Variants in TENM2 observed in about 807,000 individuals in gnomAD.
TENM2 encodes teneurin transmembrane protein 2.
A neutral mutation model predicts 245.2 loss-of-function variants in TENM2; 52 were observed. The observed-to-expected ratio is 0.21, with a 90% CI of 0.17 to 0.27. The LOEUF (loss-of-function observed/expected upper bound fraction) is 0.27, where lower values mean the gene tolerates loss of function less well. Among genes scored for constraint, TENM2 ranks in the 10% least tolerant of loss-of-function variants. TENM2 has a pLI of 1.00. For missense variants in TENM2, 3,046 were observed against 3,666.8 expected (o/e 0.83, Z 4.37); for synonymous variants, 1,363 against 1,438.9 (o/e 0.95, Z 1.19).
At chr5:167,339,726 G>A (rs1757986178) in intron 1 of TENM2, among the ~76,000 whole-genome samples, 1 of 151,938 alleles carries the variant, frequency 6.6e-6, no homozygotes, top group Non-Finnish European at 1.5e-5. Flanking sequence ...AAAGTGTGGG[G>A]ACTTTTGAGA....
rs115201174 is a variant in TENM2, at chr5:167,963,866, C to G, written c.947+11044C>G. On this transcript the variant is annotated intron_variant, in intron 4 of 28. Transcript: ENST00000518659. Reference sequence around the variant, plus strand: ...GAAAATAGGACTGTTTGGAATTTAACAAAAGACAAACAAGCATATAAGGGA... The same window carrying G: ...GAAAATAGGACTGTTTGGAATTTAAGAAAAGACAAACAAGCATATAAGGGA... Among the ~76,000 whole-genome samples, 1,196 of 151,926 alleles carry G rather than the reference C, an allele frequency of 7.9e-3. 16 individuals are homozygous for G. The highest frequency in any genetic ancestry group is 0.027 in the African/African-American group (1,124 of 41,428).
At chr5:168,151,100 C>G (rs1205702967) in intron 12 of TENM2, among the ~76,000 whole-genome samples, 1 of 152,168 alleles carries the variant, frequency 6.6e-6, no homozygotes, top group Non-Finnish European at 1.5e-5. Flanking sequence ...GGCAGACTAC[C>G]CCTTTCTGTG....
intron 2 of TENM2, among the ~76,000 whole-genome samples, chr5:167,563,211 A>G (rs1435325925): frequency 6.6e-6 from 1 of 152,226 alleles, no homozygotes; most frequent in Non-Finnish European, 1.5e-5. Context: ...CAAAAAGATC[A>G]GATTTACCCT....
At chr5:168,098,959 G>T (rs1172506322) in intron 9 of TENM2, among the ~76,000 whole-genome samples, 1 of 151,908 alleles carries the variant, frequency 6.6e-6, no homozygotes, top group Non-Finnish European at 1.5e-5. Flanking sequence ...GCCCAAACTG[G>T]AATGCAGCGG....
chr5:168,140,843 T>C (rs1221293972), intron 12 of TENM2, among the ~76,000 whole-genome samples: 1 of 152,122 alleles, frequency 6.6e-6, no homozygotes, highest in East Asian at 1.9e-4. Flanking sequence ...TACGGCCCTC[T>C]CTCAGGCTAC....
intron 2 of TENM2, among the ~76,000 whole-genome samples, chr5:167,758,661 G>C (rs934596980): frequency 6.6e-6 from 1 of 151,982 alleles, no homozygotes; most frequent in Non-Finnish European, 1.5e-5. Context: ...GCACTTGCTG[G>C]TTGTTAGGAC....
intron 6 of TENM2, among the ~76,000 whole-genome samples, chr5:168,049,222 C>A (rs948386867): frequency 1.3e-5 from 2 of 152,150 alleles, no homozygotes; most frequent in South Asian, 2.1e-4. Context: ...ACAGGACAGC[C>A]CCCTGTGATG....
At position 167,952,571 on chromosome 5, in the gene TENM2, T is replaced by C. The variant is rs765589544; in HGVS notation, c.713-17T>C. On this transcript the variant is annotated splice_polypyrimidine_tract_variant and intron_variant, in intron 3 of 28. Transcript: ENST00000518659. ...GAATTTGCAGACGCTAACAGTCATT[T>C]CTCCTTTTTTTTTCAGGCCCTCCGA... 3.1e-6 allele frequency: 5 copies of C among 1,589,782 alleles called. No individual in the cohort carries two copies. Among genetic ancestry groups the C allele is most frequent in the Non-Finnish European group, 4.3e-6 (5 of 1,167,038 alleles).
chr5:167,816,690 A>G (rs1767083541), intron 2 of TENM2, among the ~76,000 whole-genome samples: 2 of 152,134 alleles, frequency 1.3e-5, no homozygotes, highest in African/African-American at 4.8e-5. Context: ...GGAAAAAAAA[A>G]TCCTAGAATT....
chr5:167,603,836 A>G (rs567302308), intron 2 of TENM2, among the ~76,000 whole-genome samples: 1 of 152,340 alleles, frequency 6.6e-6, no homozygotes, highest in South Asian at 2.1e-4. Flanking sequence ...CTGGTAAGAC[A>G]TAGAAGGAAT....
chr5:167,624,450 C>T (rs937511416), intron 2 of TENM2, among the ~76,000 whole-genome samples: 1 of 152,114 alleles, frequency 6.6e-6, no homozygotes, highest in Non-Finnish European at 1.5e-5. Flanking sequence ...GAAAAACTAC[C>T]TATTGGATAT....
At chr5:167,156,867 G>A in the TENM2 span, among the ~76,000 whole-genome samples, 4 of 152,146 alleles carry the variant, frequency 2.6e-5, no homozygotes, top group South Asian at 6.2e-4. Context: ...CTGAAATATC[G>A]ACATGTTCAT....
At chr5:167,603,594 T>C (rs1253289748) in intron 2 of TENM2, among the ~76,000 whole-genome samples, 4 of 152,110 alleles carry the variant, frequency 2.6e-5, no homozygotes, top group Non-Finnish European at 5.9e-5. Context: ...GGTGGGAGGA[T>C]TGCTTGAACC....
intron 1 of TENM2, among the ~76,000 whole-genome samples, chr5:167,290,191 A>T (rs750908893): frequency 1.3e-5 from 2 of 152,172 alleles, no homozygotes; most frequent in Non-Finnish European, 2.9e-5. Flanking sequence ...TTGTTGTTTT[A>T]TATGGGAGGC....
rs569168913 is a variant in TENM2, at chr5:167,733,172, C to G, written c.503-142814C>G. The stretch of plus-strand genomic sequence containing the variant: ...AGTGGCGGAGTTGATTGGTCACCTG[C>G]TACCCCTTCCCTTCTGTAACATCCA... On this transcript the variant is annotated intron_variant, in intron 2 of 28. Coordinates refer to ENST00000518659, the Ensembl canonical transcript of TENM2. Among the ~76,000 whole-genome samples the G allele has an allele frequency of 9.9e-5, 15 of 152,270 alleles. No homozygotes were observed. In the South Asian group the frequency reaches 2.9e-3, roughly 29 times the overall value.
chr5:167,361,050 T>TGG (rs919456912), intron 1 of TENM2, among the ~76,000 whole-genome samples: 1 of 152,156 alleles, frequency 6.6e-6, no homozygotes, highest in Non-Finnish European at 1.5e-5. Flanking sequence ...GACATACGAA[T>TGG]GGGGGTATTT....
chr5:167,261,940 C>A, the TENM2 span, among the ~76,000 whole-genome samples: 1 of 152,098 alleles, frequency 6.6e-6, no homozygotes, highest in East Asian at 1.9e-4. Context: ...GGGGTCAGAC[C>A]GAATTCAACA....
At chr5:168,083,206 G>T (rs902509406) in intron 7 of TENM2, among the ~76,000 whole-genome samples, 5 of 152,168 alleles carry the variant, frequency 3.3e-5, no homozygotes, top group Non-Finnish European at 5.9e-5. Flanking sequence ...TCAGACTGCT[G>T]TGCCAGCAAT....
At chr5:167,188,450 A>T in the TENM2 span, among the ~76,000 whole-genome samples, 1 of 151,996 alleles carries the variant, frequency 6.6e-6, no homozygotes, top group Non-Finnish European at 1.5e-5. Context: ...CCTTTTTTAG[A>T]CTCTATCTCA....
Sources: gnomAD v4.1 joint callset for allele counts (sites outside exome capture counted in the v4.1 genomes callset) on GRCh38, gnomAD v4.1.1 for gene constraint, MANE v1.5 for transcripts, NCBI Gene and HGNC (gene_info 2026-07-23, HGNC 2026-07-21) for gene names.